Variants in TRPV4 observed in about 807,000 individuals in gnomAD.
The protein encoded by TRPV4 is OSM9-like transient receptor potential channel 4.
TRPV4 carries 58 observed loss-of-function variants against 84.1 expected under a neutral mutation model. That is an observed-to-expected ratio of 0.69 (90% confidence interval 0.56 to 0.86). The LOEUF (loss-of-function observed/expected upper bound fraction) is 0.86. Ranked by LOEUF, TRPV4 falls within the 40% of genes least tolerant of loss-of-function variation. The pLI, the probability that TRPV4 is intolerant of heterozygous loss-of-function variation, is 0.00. For synonymous variants in TRPV4, 489 were observed against 500.9 expected (o/e 0.98, Z 0.32); for missense variants, 879 against 1,181.1 (o/e 0.74, Z 3.75).
At chr12:109,794,222 T>C in intron 8 of TRPV4, 107 bp downstream of exon 8, 1 of 1,459,968 alleles carries the variant, frequency 6.8e-7, no homozygotes. Context: ...TCCTAAACCT[T>C]CTCCGGGTCC....
intron 1 of TRPV4, among the ~76,000 whole-genome samples, chr12:109,816,572 G>A (rs1475432504): frequency 1.3e-5 from 2 of 152,158 alleles, no homozygotes; most frequent in Non-Finnish European, 2.9e-5. Context: ...GAAGTCAGGA[G>A]TTCGAGACCA....
Position 109,783,822 on chromosome 12 carries a change from G to A in TRPV4, c.2459-44C>T. The A allele has an allele frequency of 6.2e-7, 1 of 1,604,814 alleles. No individual in the cohort carries two copies. Among genetic ancestry groups the A allele is most frequent in the Non-Finnish European group, 8.5e-7 (1 of 1,178,800 alleles). On this transcript the variant is annotated intron_variant, in intron 15 of 15. Coordinates refer to ENST00000261740, the MANE Select transcript of TRPV4 (RefSeq NM_021625.5). This position sits in a 1 kb window ranked among gnomAD's most constrained non-coding sequence, Gnocchi z 4.6. ...AGAGGGAGGGGTGGGGGTTGGTGGA[G>A]AGAGAGCGTGCGTATATTGAGTGCC...
In TRPV4 at chr12:109,826,084, C is replaced by T. The variant is rs140298629; in HGVS notation, c.-32+7266G>A. Among the ~76,000 whole-genome samples the T allele has an allele frequency of 9.3e-3, 1,414 of 152,282 alleles. 26 individuals are homozygous for T. Among genetic ancestry groups the T allele is most frequent in the African/African-American group, 0.032 (1,333 of 41,550 alleles). On this transcript the variant is annotated intron_variant, in intron 1 of 15. Coordinates refer to ENST00000261740, the MANE Select transcript of TRPV4 (RefSeq NM_021625.5). ...TGTCACCCAGGCTGGAGTGCAGTGG[C>T]ACAATCATAGCTCACTGCAGCCTCG...
rs1889480922 is a variant in TRPV4, at chr12:109,783,661, C to T, written c.2576G>A (p.Gly859Asp). The change falls in exon 16 of 16, where the codon GGT (glycine) becomes GAT (aspartate). Residue 859 changes from glycine to aspartate, a missense_variant. Around this residue, in one of 4 missense-constraint regions of TRPV4, gnomAD observed 242 missense variants for 355.3 expected, o/e 0.68. Transcript: ENST00000261740. The surrounding 1 kb of genome is among the most constrained non-coding windows in gnomAD (Gnocchi z 4.6). ...ATCAGTCCTCCACTTGCGGGGGTAA[C>T]CCTGCTGGTGGCCATCGCAGCGGGG... Reference protein sequence around the residue: ...GNPRCDGHQQGYPRKWRTDDA... With the variant: ...GNPRCDGHQQDYPRKWRTDDA... 1.9e-6 allele frequency: 3 copies of T among 1,613,730 alleles called. No homozygotes were observed. In the African/African-American group the frequency reaches 4.0e-5, roughly 22 times the overall value.
rs1003372246 is a variant in TRPV4, at chr12:109,798,761, G to C, written c.1005C>G (p.Thr335=). 6 of 1,614,174 alleles carry C rather than the reference G, an allele frequency of 3.7e-6. No individual in the cohort carries two copies. The African/African-American group carries it at 6.7e-5, about 18-fold the overall frequency. The change falls in exon 6 of 16, where the codon ACC becomes ACG. Residue 335 remains threonine, a synonymous_variant. Transcript: ENST00000261740. The surrounding 1 kb of genome is among the most constrained non-coding windows in gnomAD (Gnocchi z 5.0). ...TGGTAACAAACTTGGTGTTCTCACG[G>C]GTGTTGTCAGCAATGGCCACCAGCG... ...LHALVAIADN[T]RENTKFVTKM...
At position 109,814,367 on chromosome 12, in the gene TRPV4, A is replaced by T; in HGVS notation, c.386+44T>A. 2 of 1,602,670 alleles carry T rather than the reference A, an allele frequency of 1.2e-6. No homozygotes were observed. The highest frequency in any genetic ancestry group is 1.3e-5 in the African/African-American group (1 of 74,878). On this transcript the variant is annotated intron_variant, in intron 2 of 15. Coordinates refer to ENST00000261740, the MANE Select transcript of TRPV4 (RefSeq NM_021625.5). The surrounding 1 kb of genome is among the most constrained non-coding windows in gnomAD (Gnocchi z 5.4). The stretch of plus-strand genomic sequence containing the variant: ...GGGTGGATGATGAATGGGTGAATGG[A>T]TACAGAGGAGGAGACCACAGGCCAG...
Position 109,815,623 on chromosome 12 carries a change from G to A in TRPV4, c.-31-796C>T, listed in dbSNP as rs143672202. 6.4e-4 allele frequency among the ~76,000 whole-genome samples: 98 copies of A among 152,244 alleles called. No homozygotes were observed. Among genetic ancestry groups the A allele is most frequent in the Non-Finnish European group, 1.2e-3 (81 of 67,986 alleles). ...TGGGCTCCTCTGGAAAGCCCTCCCT[G>A]GCCTGCACACACTCGCTCCCAGGAT... On this transcript the variant is annotated intron_variant, in intron 1 of 15. Transcript: ENST00000261740. The surrounding 1 kb of genome is among the most constrained non-coding windows in gnomAD (Gnocchi z 4.1).
intron 1 of TRPV4, among the ~76,000 whole-genome samples, chr12:109,824,018 A>G (rs906093440): frequency 2.0e-5 from 3 of 151,966 alleles, no homozygotes; most frequent in South Asian, 2.1e-4. Flanking sequence ...AGGCTAGAGT[A>G]TAAGTGGCAC....
intron 1 of TRPV4, among the ~76,000 whole-genome samples, chr12:109,820,341 A>T (rs1160289046): frequency 6.6e-6 from 1 of 151,994 alleles, no homozygotes; most frequent in East Asian, 1.9e-4. Context: ...CCCTAGACAG[A>T]GACCCCAGGC....
Position 109,788,480 on chromosome 12 carries a change from G to A in TRPV4, c.2128C>T (p.Leu710Phe). ...VTYIILTFVLLLNMLIALMGE... is the reference protein window; with the variant it reads ...VTYIILTFVLFLNMLIALMGE... ...ATGAGGGCAATGAGCATGTTGAGGA[G>A]CAGCACAAAGGTGAGGATGATGTAG... Residue 710 changes from leucine (L) to phenylalanine (F), a missense_variant, in exon 13 of 16, where the codon CTC becomes TTC. By Grantham distance (22) the Leu-to-Phe change is conservative. Transcript: ENST00000261740. 6.2e-7 allele frequency: 1 copy of A among 1,614,230 alleles called. No individual in the cohort carries two copies. Among genetic ancestry groups the A allele is most frequent in the Non-Finnish European group, 8.5e-7 (1 of 1,180,052 alleles).
intron 1 of TRPV4, among the ~76,000 whole-genome samples, chr12:109,823,823 C>A (rs1470993621): frequency 6.6e-6 from 1 of 152,190 alleles, no homozygotes. Flanking sequence ...CTAAATGACC[C>A]TTCCAGGCTT....
chr12:109,822,255 G>C (rs1892128601), intron 1 of TRPV4, among the ~76,000 whole-genome samples: 2 of 152,216 alleles, frequency 1.3e-5, no homozygotes, highest in South Asian at 4.2e-4. Context: ...GGAGCCCACA[G>C]AGAAGGTGCT....
chr12:109,788,106 C>T (rs1168694873), intron 13 of TRPV4, among the ~76,000 whole-genome samples: 3 of 152,198 alleles, frequency 2.0e-5, no homozygotes, highest in Non-Finnish European at 2.9e-5. Flanking sequence ...CTTTCTGAGC[C>T]GGCAGAAGTC....
At chr12:109,803,166 T>C in intron 3 of TRPV4, 23 bp from the exon 4 acceptor site, 1 of 1,613,168 alleles carries the variant, frequency 6.2e-7, no homozygotes, top group Admixed American at 1.7e-5. Context: ...ACACACAAGA[T>C]GACGCAGTGC....
At position 109,809,637 on chromosome 12, in the gene TRPV4, C is replaced by T. The variant is rs117846305; in HGVS notation, c.387-1169G>A. Among the ~76,000 whole-genome samples, 32 of 149,444 alleles carry T rather than the reference C, an allele frequency of 2.1e-4. No individual in the cohort carries two copies. In the East Asian group the frequency reaches 6.2e-3, roughly 29 times the overall value. ...ATCACTCGTCTATCCATCCATCTGCCTATCCACCCACCCACCCATCCATCC... is the reference window on the plus strand; with the variant it reads ...ATCACTCGTCTATCCATCCATCTGCTTATCCACCCACCCACCCATCCATCC... On this transcript the variant is annotated intron_variant, in intron 2 of 15. Coordinates refer to ENST00000261740, the MANE Select transcript of TRPV4 (RefSeq NM_021625.5).
intron 10 of TRPV4, 32 bp from the exon 11 acceptor site, chr12:109,792,849 A>G (rs1214661105): frequency 1.9e-6 from 3 of 1,610,618 alleles, no homozygotes. Context: ...AAGAGAGGCC[A>G]GAGGGGAGAG....
rs929066516 is a variant in TRPV4, at chr12:109,793,340, C to G, written c.1658+187G>C. 3 of 639,892 alleles carry G rather than the reference C, an allele frequency of 4.7e-6. No individual in the cohort carries two copies. The highest frequency in any genetic ancestry group is 8.6e-6 in the Non-Finnish European group (3 of 350,692). 39.6% of individuals were successfully genotyped at this position (639,892 alleles called of 1,614,324 possible). A position where few individuals can be genotyped will look rare whatever the true frequency, so the allele number is the denominator to read the frequency against. ...CATGTTGTATATGATAACTCCCTAG[C>G]AATCAGAATTTTTCTTGAACCAGAA... On this transcript the variant is annotated intron_variant, in intron 10 of 15. Transcript: ENST00000261740. The surrounding 1 kb of genome is among the most constrained non-coding windows in gnomAD (Gnocchi z 4.0).
chr12:109,814,057 T>C lies in TRPV4; in HGVS notation c.386+354A>G, dbSNP rs974236747. Among the ~76,000 whole-genome samples, 12 of 140,278 alleles carry C rather than the reference T, an allele frequency of 8.6e-5. No individual in the cohort carries two copies. The highest frequency in any genetic ancestry group is 3.1e-4 in the African/African-American group (10 of 32,422). The allele number at this position is 140,278 out of a possible 152,430, so 92.0% of individuals were successfully genotyped here. On this transcript the variant is annotated intron_variant, in intron 2 of 15. Coordinates refer to ENST00000261740, the MANE Select transcript of TRPV4 (RefSeq NM_021625.5). This position sits in a 1 kb window ranked among gnomAD's most constrained non-coding sequence, Gnocchi z 5.4. ...GATGGATGGATGTATGGATGGATGA[T>C]ATATGGATGGATGATATATGGATGG... is the stretch of plus-strand genomic sequence containing the variant.
intron 4 of TRPV4, among the ~76,000 whole-genome samples, chr12:109,802,618 T>A (rs1227642929): frequency 6.0e-5 from 6 of 100,828 alleles, no homozygotes; most frequent in African/African-American, 7.0e-5. Flanking sequence ...TATTTTATTT[T>A]TTTTTTTTTG....
Sources: allele counts gnomAD v4.1 joint callset (sites outside exome capture counted in the v4.1 genomes callset), GRCh38; gene constraint gnomAD v4.1.1; regional missense constraint gnomAD v4.1.1; non-coding constraint Gnocchi (gnomAD v3.1); transcripts MANE v1.5; gene names NCBI Gene and HGNC (gene_info 2026-07-23, HGNC 2026-07-21).